Variants in ABLIM1 observed in about 807,000 individuals in gnomAD.
ABLIM1 encodes the protein actin-binding LIM protein 1.
A neutral mutation model predicts 107.0 loss-of-function variants in ABLIM1; 40 were observed. That is an observed-to-expected ratio of 0.37 (90% CI 0.29 to 0.49). The LOEUF (loss-of-function observed/expected upper bound fraction) is 0.49. ABLIM1 is among the 20% of genes least tolerant of loss of function. The pLI, the probability that ABLIM1 is intolerant of heterozygous loss-of-function variation, is 0.97. For synonymous variants in ABLIM1, 357 were observed against 357.3 expected, an observed-to-expected ratio of 1.00 and a Z score of 0.01; for missense variants, 857 against 1,008.5, an observed-to-expected ratio of 0.85 and a Z score of 2.04.
intron 4 of ABLIM1, among the ~76,000 whole-genome samples, chr10:114,559,438 CAAAAAAAAAAA>C (rs72456292): frequency 2.0e-5 from 1 of 49,356 alleles, no homozygotes; most frequent in Non-Finnish European, 3.8e-5. Flanking sequence ...ACTCGTCTCT[CAAAAAAAAAAA>C]AAAAAAAAAA....
chr10:114,454,152 A>C (rs1022342715), intron 12 of ABLIM1, among the ~76,000 whole-genome samples: 2 of 152,188 alleles, frequency 1.3e-5, no homozygotes, highest in African/African-American at 4.8e-5. Flanking sequence ...ACCCAGGCCA[A>C]TGATTCAATC....
intron 1 of ABLIM1, among the ~76,000 whole-genome samples, chr10:114,703,375 C>T (rs1346200278): frequency 6.6e-6 from 1 of 152,224 alleles, no homozygotes; most frequent in Non-Finnish European, 1.5e-5. Flanking sequence ...TTGACTATGG[C>T]ATGTTCGTCT....
At chr10:114,617,179 C>T (rs10885587) in intron 1 of ABLIM1, among the ~76,000 whole-genome samples, 11,872 of 151,996 alleles carry the variant, frequency 0.078, 902 homozygotes, top group East Asian at 0.42. Context: ...GGCGTTCAGC[C>T]TCTGAAAAAT....
At chr10:114,791,005 G>A in the ABLIM1 span, among the ~76,000 whole-genome samples, 1 of 152,080 alleles carries the variant, frequency 6.6e-6, no homozygotes, top group Admixed American at 6.6e-5. Flanking sequence ...TAAAAACACT[G>A]TTCTATGAAA....
chr10:114,539,858 T>C (rs2066445544), intron 6 of ABLIM1, among the ~76,000 whole-genome samples: 1 of 150,474 alleles, frequency 6.6e-6, no homozygotes, highest in South Asian at 2.1e-4. Flanking sequence ...ATTAGGCTGT[T>C]AGGCAGAAAG....
rs1000438180 is a variant in ABLIM1 at position 114,629,309 on chromosome 10, C to T, written c.245-27348G>A. Among the ~76,000 whole-genome samples, 1 of 152,270 alleles carries T rather than the reference C, an allele frequency of 6.6e-6. No individual in the cohort carries two copies. The highest frequency in any genetic ancestry group is 3.4e-3 in the Middle Eastern group (1 of 294). Reference sequence around the variant, plus strand: ...TCCTCCTTGGGCCGGCCATGTTCCTCGGGATGGACATTGCCAGGACCCGAG... The same window carrying T: ...TCCTCCTTGGGCCGGCCATGTTCCTTGGGATGGACATTGCCAGGACCCGAG... On this transcript the variant is annotated intron_variant, in intron 1 of 22. Transcript: ENST00000533213. The surrounding 1 kb of genome is among the most constrained non-coding windows in gnomAD (Gnocchi z 4.0).
At chr10:114,509,016 T>A (rs1237374289) in intron 6 of ABLIM1, among the ~76,000 whole-genome samples, 1 of 152,202 alleles carries the variant, frequency 6.6e-6, no homozygotes, top group African/African-American at 2.4e-5. Context: ...ACTATCCCCA[T>A]GTTACAGATG....
At chr10:114,640,882 C>A (rs760527508) in intron 1 of ABLIM1, among the ~76,000 whole-genome samples, 1 of 152,158 alleles carries the variant, frequency 6.6e-6, no homozygotes, top group Non-Finnish European at 1.5e-5. Flanking sequence ...CTTTCTCCTG[C>A]ATTTTAAACA....
intron 4 of ABLIM1, among the ~76,000 whole-genome samples, chr10:114,568,631 C>T (rs1355243706): frequency 6.6e-6 from 1 of 152,084 alleles, no homozygotes; most frequent in Non-Finnish European, 1.5e-5. Flanking sequence ...TTTTTATAGA[C>T]ACCCACACAC....
chr10:114,572,659 A>G (rs2071870641), intron 3 of ABLIM1, among the ~76,000 whole-genome samples: 1 of 152,228 alleles, frequency 6.6e-6, no homozygotes, highest in Non-Finnish European at 1.5e-5. Flanking sequence ...CCACCAACTT[A>G]GAACTTGTTT....
chr10:114,656,172 A>G (rs551025061), intron 1 of ABLIM1, among the ~76,000 whole-genome samples: 1 of 146,806 alleles, frequency 6.8e-6, no homozygotes, highest in Non-Finnish European at 1.5e-5. Context: ...TGGGAGGCTG[A>G]GGCAGGAGAA....
At chr10:114,716,238 C>G (rs1241794857) in intron 1 of ABLIM1, among the ~76,000 whole-genome samples, 1 of 152,150 alleles carries the variant, frequency 6.6e-6, no homozygotes, top group Non-Finnish European at 1.5e-5. Context: ...AATACAGAAG[C>G]TTTTGTCATC....
chr10:114,676,271 G>A (rs1566221497), intron 1 of ABLIM1, among the ~76,000 whole-genome samples: 1 of 152,214 alleles, frequency 6.6e-6, no homozygotes, highest in Non-Finnish European at 1.5e-5. Context: ...GAGGTCAGTA[G>A]ATTGAGAGCA....
intron 1 of ABLIM1, among the ~76,000 whole-genome samples, chr10:114,725,735 ATG>A (rs3981295): frequency 0.12 from 16,529 of 141,952 alleles, 1,329 homozygotes; most frequent in African/African-American, 0.24. Context: ...TATATATAAA[ATG>A]TGTGTGTGTG....
chr10:114,741,047 A>T lies in ABLIM1; in HGVS notation c.-213+27014T>A, dbSNP rs1021124930. ...GATCCTGTCTCAAAAAAAAAAAAGA[A>T]TAAAGAAATAATAAAAAGTTGTGTT... On this transcript the variant is annotated intron_variant, in intron 1 of 15. Coordinates refer to the ABLIM1 transcript ENST00000651092. Among the ~76,000 whole-genome samples the T allele has an allele frequency of 7.3e-5, 11 of 151,478 alleles. No individual in the cohort carries two copies. The South Asian group carries it at 1.7e-3, about 23-fold the overall frequency.
intron 1 of ABLIM1, among the ~76,000 whole-genome samples, chr10:114,628,122 C>CA (rs1449696884): frequency 0.03 from 4,155 of 136,256 alleles, 54 homozygotes; most frequent in Middle Eastern, 0.076. Flanking sequence ...AACTCTGTTT[C>CA]AAAAAAAAAA....
intron 6 of ABLIM1, 85 bp downstream of exon 6, chr10:114,544,920 G>A: frequency 1.6e-6 from 2 of 1,221,470 alleles, no homozygotes; most frequent in Non-Finnish European, 1.2e-6. Context: ...AGATGGAGGA[G>A]GTGGGAAAGG....
At chr10:114,720,320 G>C (rs1238977485) in intron 1 of ABLIM1, among the ~76,000 whole-genome samples, 1 of 152,148 alleles carries the variant, frequency 6.6e-6, no homozygotes, top group African/African-American at 2.4e-5. Flanking sequence ...TGTGGATAGT[G>C]TTGCTATGAA....
intron 13 of ABLIM1, among the ~76,000 whole-genome samples, chr10:114,452,296 C>T (rs577657967): frequency 1.2e-4 from 18 of 152,006 alleles, no homozygotes; most frequent in African/African-American, 4.1e-4. Flanking sequence ...TTATACAAGA[C>T]CCCCTTGGAT....
Sources: allele counts gnomAD v4.1 joint callset (sites outside exome capture counted in the v4.1 genomes callset), GRCh38; gene constraint gnomAD v4.1.1; non-coding constraint Gnocchi (gnomAD v3.1); transcripts MANE v1.5; gene names NCBI Gene and HGNC (gene_info 2026-07-23, HGNC 2026-07-21).